The following PCSK5 variants were observed in gnomAD, a reference collection of about 807,000 sequenced individuals.
PCSK5 encodes proprotein convertase subtilisin/kexin type 5.
PCSK5 carries 129 observed loss-of-function variants against 233.2 expected under a neutral mutation model. The observed-to-expected ratio is 0.55, with a 90% CI of 0.48 to 0.64. The LOEUF (loss-of-function observed/expected upper bound fraction) is 0.64, where lower values mean the gene tolerates loss of function less well. PCSK5 is among the 30% of genes least tolerant of loss of function. The pLI, the probability that PCSK5 is intolerant of heterozygous loss-of-function variation, is 0.00. For missense variants in PCSK5, 2,076 were observed against 2,430.1 expected, an observed-to-expected ratio of 0.85 and a Z score of 3.06; for synonymous variants, 825 against 879.2, an observed-to-expected ratio of 0.94 and a Z score of 1.09.
chr9:76,237,501 C>T (rs145625915), intron 22 of PCSK5, among the ~76,000 whole-genome samples: 1 of 152,176 alleles, frequency 6.6e-6, no homozygotes, highest in African/African-American at 2.4e-5. Context: ...GGCACAGTGG[C>T]TCACGCCTGT....
At position 76,074,294 on chromosome 9, in the gene PCSK5, A is replaced by G. The variant is rs544098039; in HGVS notation, c.894+2396A>G. Among the ~76,000 whole-genome samples the G allele has an allele frequency of 4.9e-4, 74 of 152,320 alleles. 1 individual carries two copies. The highest frequency in any genetic ancestry group is 1.5e-3 in the East Asian group (8 of 5,186). The stretch of plus-strand genomic sequence containing the variant: ...ATTTTATTTGTTTCAAAATTTTTAG[A>G]GTATAGAGATACCATAATTAATTCA... On this transcript the variant is annotated intron_variant, in intron 7 of 37. Coordinates refer to ENST00000674117, the MANE Select transcript of PCSK5 (RefSeq NM_001372043.1).
At chr9:76,355,715 T>C (rs1259629830) in intron 37 of PCSK5, among the ~76,000 whole-genome samples, 1 of 152,062 alleles carries the variant, frequency 6.6e-6, no homozygotes, top group Non-Finnish European at 1.5e-5. Context: ...CTTTTTCTTT[T>C]TTTGTTTTGA....
intron 20 of PCSK5, among the ~76,000 whole-genome samples, chr9:76,217,067 C>T (rs974430199): frequency 6.6e-6 from 1 of 151,970 alleles, no homozygotes; most frequent in Non-Finnish European, 1.5e-5. Context: ...CTCAGATCCA[C>T]CTGCCTCAGC....
intron 17 of PCSK5, among the ~76,000 whole-genome samples, chr9:76,186,003 G>A (rs770645619): frequency 6.6e-6 from 1 of 152,086 alleles, no homozygotes; most frequent in African/African-American, 2.4e-5. Context: ...GTGCATGCCG[G>A]TAGAAACATG....
chr9:76,276,998 C>T (rs1195298467), intron 24 of PCSK5, among the ~76,000 whole-genome samples: 7 of 152,174 alleles, frequency 4.6e-5, no homozygotes, highest in African/African-American at 1.7e-4. Context: ...GAGGCCAAGG[C>T]GGGTGGATCA....
intron 4 of PCSK5, among the ~76,000 whole-genome samples, chr9:76,026,376 A>T (rs550983323): frequency 6.6e-6 from 1 of 152,320 alleles, no homozygotes; most frequent in African/African-American, 2.4e-5. Flanking sequence ...GGACTCCTTT[A>T]TAGTAGATAC....
rs937894863 is a variant in PCSK5 at position 76,220,907 on chromosome 9, C to T, written c.2627-6596C>T. 2.0e-5 allele frequency among the ~76,000 whole-genome samples: 3 copies of T among 152,000 alleles called. No individual in the cohort carries two copies. The South Asian group carries it at 6.3e-4, about 32-fold the overall frequency. On this transcript the variant is annotated intron_variant, in intron 20 of 37. Transcript: ENST00000674117. ...AATGTTGTATCCTTTGACCAAAATC[C>T]CCCCAGTCTTCCCCACCACCACAGA...
intron 22 of PCSK5, among the ~76,000 whole-genome samples, chr9:76,234,991 CCTGGGAACG>C (rs1455096748): frequency 6.6e-6 from 1 of 152,172 alleles, no homozygotes; most frequent in Non-Finnish European, 1.5e-5. Context: ...ACATCAGCAA[CCTGGGAACG>C]CTGCACTTCC....
chr9:76,049,802 G>A (rs1316475670), intron 5 of PCSK5, among the ~76,000 whole-genome samples: 1 of 152,200 alleles, frequency 6.6e-6, no homozygotes, highest in Non-Finnish European at 1.5e-5. Context: ...ACAGCCCTGA[G>A]CAGAGTGAAG....
At chr9:76,184,544 C>CT in intron 16 of PCSK5, 129 bp from the exon 17 acceptor site, 1 of 539,222 alleles carries the variant, frequency 1.9e-6, no homozygotes, top group East Asian at 3.1e-5. Flanking sequence ...GATTCTGTGG[C>CT]TTTTCCTGCA....
At chr9:76,083,133 C>T (rs537394519) in intron 7 of PCSK5, among the ~76,000 whole-genome samples, 10 of 148,786 alleles carry the variant, frequency 6.7e-5, no homozygotes, top group Middle Eastern at 3.6e-3. Context: ...CGCTTGAACC[C>T]GGGAGGCCAG....
intron 24 of PCSK5, among the ~76,000 whole-genome samples, chr9:76,246,088 C>G (rs955235526): frequency 6.6e-6 from 1 of 151,962 alleles, no homozygotes; most frequent in African/African-American, 2.4e-5. Context: ...AATCCCAGCA[C>G]TTTGTACTTT....
chr9:76,341,742 A>T (rs1390142), intron 35 of PCSK5, among the ~76,000 whole-genome samples: 59,024 of 151,770 alleles, frequency 0.39, 12,006 homozygotes, highest in East Asian at 0.75. Flanking sequence ...ATTAACTCTA[A>T]CCCTGTCTTC....
intron 2 of PCSK5, among the ~76,000 whole-genome samples, chr9:75,933,465 A>G (rs573561340): frequency 2.6e-5 from 4 of 152,354 alleles, no homozygotes; most frequent in Admixed American, 6.5e-5. Context: ...AGCCCCTACC[A>G]GTGCGCATAG....
intron 5 of PCSK5, among the ~76,000 whole-genome samples, chr9:76,028,015 G>C (rs772599126): frequency 9.2e-5 from 14 of 152,130 alleles, no homozygotes; most frequent in Non-Finnish European, 1.9e-4. Context: ...ATATGACCTA[G>C]AAAACTGTCA....
intron 2 of PCSK5, among the ~76,000 whole-genome samples, chr9:75,985,386 C>T (rs1270242620): frequency 1.3e-5 from 2 of 152,216 alleles, no homozygotes; most frequent in East Asian, 1.9e-4. Flanking sequence ...TGGCAGGGAG[C>T]CTATGGCTTA....
intron 8 of PCSK5, among the ~76,000 whole-genome samples, chr9:76,102,152 C>T (rs1293552816): frequency 4.6e-5 from 7 of 152,282 alleles, no homozygotes; most frequent in South Asian, 4.1e-4. Context: ...GTTACCTTTG[C>T]TCTCATGAAT....
intron 6 of PCSK5, among the ~76,000 whole-genome samples, chr9:76,068,426 C>T (rs1377443635): frequency 6.6e-6 from 1 of 152,042 alleles, no homozygotes. Context: ...GTAATTCTCT[C>T]AAAGTGGAAA....
intron 35 of PCSK5, among the ~76,000 whole-genome samples, chr9:76,345,458 G>A (rs774839668): frequency 2.0e-5 from 3 of 152,028 alleles, no homozygotes; most frequent in Non-Finnish European, 2.9e-5. Context: ...TCACTCTGTC[G>A]CCCAGGCTGG....
Sources: gnomAD v4.1 joint callset for allele counts (sites outside exome capture counted in the v4.1 genomes callset) on GRCh38, gnomAD v4.1.1 for gene constraint, MANE v1.5 for transcripts, NCBI Gene and HGNC (gene_info 2026-07-23, HGNC 2026-07-21) for gene names.